Variants in CHD1L observed in about 807,000 individuals in gnomAD.
CHD1L encodes the protein ATP-dependent chromatin remodeler CHD1L.
A neutral mutation model predicts 115.9 loss-of-function variants in CHD1L; 118 were observed. That is an observed-to-expected ratio of 1.02 (90% CI 0.88 to 1.19). The LOEUF (loss-of-function observed/expected upper bound fraction) is 1.19. Ranked by LOEUF, CHD1L falls within the 50% of genes most tolerant of loss-of-function variation. The pLI, the probability that CHD1L is intolerant of heterozygous loss-of-function variation, is 0.00. For synonymous variants in CHD1L, 411 were observed against 387.1 expected (o/e 1.06, Z -0.72); for missense variants, 1,179 against 1,065.3 (o/e 1.11, Z -1.49).
Position 147,280,101 on chromosome 1 carries a change from G to A in CHD1L, c.1615G>A (p.Glu539Lys), listed in dbSNP as rs1348881207. The A allele has an allele frequency of 6.2e-7, 1 of 1,614,016 alleles. No individual in the cohort carries two copies. The highest frequency in any genetic ancestry group is 8.5e-7 in the Non-Finnish European group (1 of 1,179,978). The change falls in exon 15 of 23, where the codon GAG (glutamate) becomes AAG (lysine). Residue 539 changes from glutamate (E) to lysine (K), a missense_variant. Transcript: ENST00000369258. ...GAGCACCATGGATGAAATAGACCTG[G>A]AGTCCATCCTGGGAGAAACAAAAGA... ...EGSTMDEIDLESILGETKDGQ... is the reference protein window; with the variant it reads ...EGSTMDEIDLKSILGETKDGQ...
At chr1:147,230,436 C>T in the CHD1L span, among the ~76,000 whole-genome samples, 3 of 85,440 alleles carry the variant, frequency 3.5e-5, 1 homozygote, top group African/African-American at 1.6e-4. Context: ...ATTTTTGTGT[C>T]GATGTTCATG....
chr1:147,282,546 T>C (rs1681330525), intron 15 of CHD1L, among the ~76,000 whole-genome samples: 1 of 152,224 alleles, frequency 6.6e-6, no homozygotes, highest in African/African-American at 2.4e-5. Context: ...CTTTGCATTT[T>C]CCAAAAGGTT....
At chr1:147,263,564 C>T (rs1407631357) in intron 6 of CHD1L, among the ~76,000 whole-genome samples, 1 of 151,426 alleles carries the variant, frequency 6.6e-6, no homozygotes, top group Admixed American at 6.6e-5. Context: ...AATATCTTTT[C>T]TTCTTTTTCC....
At chr1:147,183,462 C>T in the CHD1L span, among the ~76,000 whole-genome samples, 32 of 152,148 alleles carry the variant, frequency 2.1e-4, no homozygotes, top group African/African-American at 7.7e-4. Context: ...TAGGAACACA[C>T]AGATTAAGTA....
the CHD1L span, chr1:147,203,129 C>A: frequency 2.2e-4 from 44 of 202,234 alleles, no homozygotes; most frequent in East Asian, 3.5e-4. Context: ...TTTTTTTTGA[C>A]AGTAACAATA....
At chr1:147,223,438 A>G in the CHD1L span, 1 of 152,250 alleles carries the variant, frequency 6.6e-6, no homozygotes, top group Non-Finnish European at 1.5e-5. Flanking sequence ...CTGGCCAACA[A>G]TGTGTTAGTT....
At chr1:147,178,187 C>T in the CHD1L span, 5 of 1,612,332 alleles carry the variant, frequency 3.1e-6, no homozygotes, top group Non-Finnish European at 4.2e-6. Context: ...GCGGCTGCCT[C>T]CGACGTGCTA....
the CHD1L span, among the ~76,000 whole-genome samples, chr1:147,232,845 G>A: frequency 2.6e-5 from 4 of 152,110 alleles, no homozygotes; most frequent in Non-Finnish European, 5.9e-5. Flanking sequence ...ATCTCGGCTC[G>A]CTACAACCTC....
chr1:147,208,703 T>G, the CHD1L span: 2 of 609,136 alleles, frequency 3.3e-6, no homozygotes, highest in Non-Finnish European at 5.8e-6. Flanking sequence ...CCTCCCAGAG[T>G]GCTGGGATTA....
the CHD1L span, among the ~76,000 whole-genome samples, chr1:147,206,805 C>A: frequency 1.3e-5 from 2 of 149,408 alleles, no homozygotes; most frequent in South Asian, 4.2e-4. Flanking sequence ...GGAGATATAT[C>A]TGATGTAAAT....
chr1:147,180,378 A>G, the CHD1L span, among the ~76,000 whole-genome samples: 1 of 151,770 alleles, frequency 6.6e-6, no homozygotes, highest in Non-Finnish European at 1.5e-5. Flanking sequence ...TGCAACTTCC[A>G]CCTCCCAGGT....
At chr1:147,265,112 T>C (rs1673363056) in intron 7 of CHD1L, among the ~76,000 whole-genome samples, 1 of 151,722 alleles carries the variant, frequency 6.6e-6, no homozygotes, top group Non-Finnish European at 1.5e-5. Flanking sequence ...TCTATCCCTG[T>C]GATATTATCC....
At chr1:147,199,157 G>A in the CHD1L span, among the ~76,000 whole-genome samples, 21 of 152,078 alleles carry the variant, frequency 1.4e-4, no homozygotes, top group Non-Finnish European at 2.8e-4. Context: ...TAATTCCAGA[G>A]AACAGAAGAA....
At chr1:147,219,921 C>G in the CHD1L span, among the ~76,000 whole-genome samples, 1 of 151,176 alleles carries the variant, frequency 6.6e-6, no homozygotes, top group Non-Finnish European at 1.5e-5. Flanking sequence ...TCACCACAAC[C>G]CCTGCCTCCC....
At chr1:147,242,018 TATC>T (rs1472188316), upstream of CHD1L, among the ~76,000 whole-genome samples, 3 of 152,140 alleles carry the variant, frequency 2.0e-5, no homozygotes, top group Non-Finnish European at 4.4e-5. Flanking sequence ...ATTTTGTTAT[TATC>T]ATATTTATAT....
At chr1:147,234,101 A>T in the CHD1L span, among the ~76,000 whole-genome samples, 4 of 151,896 alleles carry the variant, frequency 2.6e-5, no homozygotes, top group Admixed American at 6.6e-5. Flanking sequence ...TAAAAAAAAT[A>T]AATAAATAAA....
At chr1:147,293,827 C>A in intron 21 of CHD1L, 105 bp downstream of exon 21, 1 of 877,748 alleles carries the variant, frequency 1.1e-6, no homozygotes, top group Non-Finnish European at 1.8e-6. Flanking sequence ...TTAATATGCA[C>A]GGTAAAGGCA....
intron 1 of CHD1L, among the ~76,000 whole-genome samples, chr1:147,249,488 C>G (rs369745822): frequency 7.0e-6 from 1 of 142,192 alleles, no homozygotes; most frequent in Non-Finnish European, 1.5e-5. Flanking sequence ...TCACTGCAAC[C>G]TCCGCCTCCT....
At chr1:147,231,811 T>C in the CHD1L span, among the ~76,000 whole-genome samples, 1 of 152,116 alleles carries the variant, frequency 6.6e-6, no homozygotes, top group Admixed American at 6.5e-5. Context: ...GTGACCCAAT[T>C]TTCCAGGTGC....
Sources: gnomAD v4.1 joint callset for allele counts (sites outside exome capture counted in the v4.1 genomes callset) on GRCh38, gnomAD v4.1.1 for gene constraint, MANE v1.5 for transcripts, NCBI Gene and HGNC (gene_info 2026-07-23, HGNC 2026-07-21) for gene names.